The following ZDHHC15 variants were observed in gnomAD, a reference collection of about 807,000 sequenced individuals.
ZDHHC15 encodes the protein zDHHC palmitoyltransferase 15.
Under a neutral mutation model 31.7 loss-of-function variants are expected in ZDHHC15, and 19 were observed. The ratio of observed to expected loss-of-function variants is 0.60; its 90% CI spans 0.42 to 0.88. The LOEUF (loss-of-function observed/expected upper bound fraction) is 0.88, where lower values mean the gene tolerates loss of function less well. Ranked by LOEUF, ZDHHC15 falls within the 40% of genes least tolerant of loss-of-function variation. The probability of loss-of-function intolerance (pLI) is 0.00; values close to 1 mark genes in which losing one functional copy is unlikely to be tolerated. For synonymous variants in ZDHHC15, 103 were observed against 90.0 expected, an observed-to-expected ratio of 1.14 and a Z score of -0.82; for missense variants, 209 against 251.2, an observed-to-expected ratio of 0.83 and a Z score of 1.14.
chrX:75,415,069 C>T (rs768932709), intron 10 of ZDHHC15, among the ~76,000 whole-genome samples: 50 of 110,900 alleles, frequency 4.5e-4, no homozygotes, highest in Non-Finnish European at 8.7e-4. Flanking sequence ...CTACAGCGCC[C>T]GGCCATACAA....
chrX:75,384,835 T>G, intron 10 of ZDHHC15: 1 of 617,387 alleles, frequency 1.6e-6, no homozygotes, highest in Non-Finnish European at 2.8e-6. Context: ...ATAATAGGTG[T>G]TAAAAAATAA....
chrX:75,501,876 C>T (rs1489264091), intron 2 of ZDHHC15: 1 of 111,542 alleles, frequency 9.0e-6, no homozygotes, highest in African/African-American at 3.2e-5. Context: ...CAAAAATTTT[C>T]TTCCATTCTG....
intron 3 of ZDHHC15, among the ~76,000 whole-genome samples, chrX:75,460,764 C>A (rs1402205777): frequency 1.8e-5 from 2 of 111,025 alleles, no homozygotes; most frequent in African/African-American, 6.6e-5. Context: ...CAGAAAAGAC[C>A]CCACAAAAAA....
intron 3 of ZDHHC15, among the ~76,000 whole-genome samples, chrX:75,467,027 A>T (rs2084417642): frequency 8.9e-6 from 1 of 111,857 alleles, no homozygotes; most frequent in South Asian, 3.8e-4. Context: ...TATCCTGCAC[A>T]TGTACCCCTG....
At chrX:75,444,182 G>A (rs1338705002) in intron 4 of ZDHHC15, among the ~76,000 whole-genome samples, 5 of 110,573 alleles carry the variant, frequency 4.5e-5, no homozygotes, top group Middle Eastern at 4.6e-3. Flanking sequence ...TGTTTATTGC[G>A]GCACTATTCA....
At chrX:75,453,025 A>G (rs2084150590) in intron 3 of ZDHHC15, among the ~76,000 whole-genome samples, 1 of 111,954 alleles carries the variant, frequency 8.9e-6, no homozygotes, top group Non-Finnish European at 1.9e-5. Context: ...TCAAGAAATA[A>G]CTAAGATCAG....
At chrX:75,480,957 T>G (rs1170891518) in intron 2 of ZDHHC15, among the ~76,000 whole-genome samples, 2 of 111,552 alleles carry the variant, frequency 1.8e-5, no homozygotes, top group Non-Finnish European at 3.8e-5. Context: ...CATCAATAAG[T>G]GAGAGCGCCT....
chrX:75,499,327 A>G (rs930891051), intron 2 of ZDHHC15, among the ~76,000 whole-genome samples: 3 of 112,099 alleles, frequency 2.7e-5, no homozygotes, highest in Non-Finnish European at 3.8e-5. Flanking sequence ...AATATTCAGC[A>G]AAGTAAACAG....
At chrX:75,466,968 T>C (rs2084416751) in intron 3 of ZDHHC15, among the ~76,000 whole-genome samples, 1 of 111,558 alleles carries the variant, frequency 9.0e-6, no homozygotes, top group Non-Finnish European at 1.9e-5. Context: ...TGGGATTATC[T>C]GTGCAGCAAA....
At chrX:75,391,692 G>C (rs1277209520) in intron 10 of ZDHHC15, among the ~76,000 whole-genome samples, 14 of 112,301 alleles carry the variant, frequency 1.2e-4, no homozygotes, top group African/African-American at 4.2e-4. Context: ...AACAGCAGAA[G>C]TGTTCTATAA....
chrX:75,445,539 C>A (rs1401800397), intron 4 of ZDHHC15, among the ~76,000 whole-genome samples: 1 of 111,987 alleles, frequency 8.9e-6, no homozygotes, highest in Non-Finnish European at 1.9e-5. Context: ...CAGGAATTCC[C>A]AGCCAAAGTG....
At chrX:75,446,650 T>A (rs953666976) in intron 4 of ZDHHC15, among the ~76,000 whole-genome samples, 2 of 111,590 alleles carry the variant, frequency 1.8e-5, no homozygotes, top group African/African-American at 6.5e-5. Context: ...AACAACAAAT[T>A]TATTCGCATG....
intron 2 of ZDHHC15, among the ~76,000 whole-genome samples, chrX:75,488,095 T>A (rs904123229): frequency 1.8e-5 from 2 of 112,234 alleles, no homozygotes; most frequent in African/African-American, 6.5e-5. Flanking sequence ...TCGGACAACT[T>A]ATTTGAGGGA....
At chrX:75,434,267 A>T (rs1465117760) in intron 4 of ZDHHC15, among the ~76,000 whole-genome samples, 1 of 110,522 alleles carries the variant, frequency 9.0e-6, no homozygotes, top group Non-Finnish European at 1.9e-5. Context: ...TTTGTGGATA[A>T]TTTTTCCCAG....
intron 9 of ZDHHC15, among the ~76,000 whole-genome samples, chrX:75,420,721 G>A (rs1033397000): frequency 1.8e-5 from 2 of 110,656 alleles, no homozygotes; most frequent in Admixed American, 9.7e-5. Context: ...ACCAAACACC[G>A]CATGTTCTCA....
intron 10 of ZDHHC15, among the ~76,000 whole-genome samples, chrX:75,415,266 C>A (rs1056894583): frequency 1.1e-4 from 12 of 111,390 alleles, no homozygotes; most frequent in Non-Finnish European, 2.1e-4. Flanking sequence ...ATGGGAGCAA[C>A]TGAAGTTAAC....
At chrX:75,386,997 G>C (rs1457256726) in intron 10 of ZDHHC15, among the ~76,000 whole-genome samples, 1 of 111,013 alleles carries the variant, frequency 9.0e-6, no homozygotes, top group Non-Finnish European at 1.9e-5. Flanking sequence ...AATGGATAGA[G>C]GTCATATAAT....
intron 2 of ZDHHC15, among the ~76,000 whole-genome samples, chrX:75,494,824 A>G (rs1325031260): frequency 8.9e-6 from 1 of 112,382 alleles, no homozygotes; most frequent in Non-Finnish European, 1.9e-5. Flanking sequence ...TAAAACCATA[A>G]AAATCCTAGA....
intron 10 of ZDHHC15, among the ~76,000 whole-genome samples, 193 bp from the exon 11 acceptor site, chrX:75,379,391 C>T (rs1281282619): frequency 8.9e-6 from 1 of 112,282 alleles, no homozygotes; most frequent in East Asian, 2.8e-4. Flanking sequence ...GCCTGCTATA[C>T]TATGAACTAA....
Sources: allele counts gnomAD v4.1 joint callset (sites outside exome capture counted in the v4.1 genomes callset), GRCh38; gene constraint gnomAD v4.1.1; transcripts MANE v1.5; gene names NCBI Gene and HGNC (gene_info 2026-07-23, HGNC 2026-07-21).